Variants in EPRS1 observed in about 807,000 individuals in gnomAD.
The protein encoded by EPRS1 is glutamyl-prolyl-tRNA synthetase 1.
In EPRS1, 107 loss-of-function variants were observed where a neutral mutation model predicts 188.3. That is an observed-to-expected ratio of 0.57 (90% CI 0.49 to 0.67). The LOEUF (loss-of-function observed/expected upper bound fraction) is 0.67, where lower values mean the gene tolerates loss of function less well. Among genes scored for constraint, EPRS1 ranks in the 30% least tolerant of loss-of-function variants. The pLI is 0.00. For missense variants in EPRS1, 1,577 were observed against 1,802.2 expected, an observed-to-expected ratio of 0.88 and a Z score of 2.26; for synonymous variants, 596 against 593.1, an observed-to-expected ratio of 1.00 and a Z score of -0.07.
chr1:220,038,961 G>A (rs891766023), intron 2 of EPRS1, among the ~76,000 whole-genome samples: 3 of 152,110 alleles, frequency 2.0e-5, no homozygotes, highest in Non-Finnish European at 4.4e-5. Flanking sequence ...TCCACAAGGA[G>A]GGGACTTAAG....
At position 219,980,825 on chromosome 1, in the gene EPRS1, T is replaced by C. The variant is rs1660880694; in HGVS notation, c.3486A>G (p.Leu1162=). 4 of 1,613,064 alleles carry C rather than the reference T, an allele frequency of 2.5e-6. No individual in the cohort carries two copies. The highest frequency in any genetic ancestry group is 1.7e-5 in the Admixed American group (1 of 59,908). The change falls in exon 25 of 32, where the codon CTA becomes CTG. Residue 1162 remains leucine (L), a synonymous_variant. Coordinates refer to ENST00000366923, the MANE Select transcript of EPRS1 (RefSeq NM_004446.3). ...RWEFKHPQPF[L]RTREFLWQEG... ...CCTGCCAAAGAAATTCACGAGTACGTAGGAAAGGCTGAGGATGCTTGAATT... is the reference window on the plus strand; with the variant it reads ...CCTGCCAAAGAAATTCACGAGTACGCAGGAAAGGCTGAGGATGCTTGAATT...
chr1:220,009,442 C>A (rs1318268951), intron 13 of EPRS1, among the ~76,000 whole-genome samples: 1 of 152,136 alleles, frequency 6.6e-6, no homozygotes, highest in African/African-American at 2.4e-5. Context: ...TAAAACAACT[C>A]TTTTACCAGC....
chr1:220,032,897 TAC>T (rs1001951491), intron 4 of EPRS1, among the ~76,000 whole-genome samples: 3 of 152,248 alleles, frequency 2.0e-5, no homozygotes, highest in African/African-American at 7.2e-5. Context: ...TATGTATATA[TAC>T]ACACACATAT....
intron 19 of EPRS1, among the ~76,000 whole-genome samples, chr1:219,987,765 A>C (rs879581153): frequency 6.6e-6 from 1 of 152,232 alleles, no homozygotes; most frequent in Non-Finnish European, 1.5e-5. Context: ...ACTGGAAAAC[A>C]GCACAGTCTA....
chr1:220,025,040 C>T, intron 7 of EPRS1, 92 bp downstream of exon 7: 3 of 1,301,590 alleles, frequency 2.3e-6, no homozygotes, highest in Non-Finnish European at 3.3e-6. Flanking sequence ...GCTATGAGAA[C>T]AAAATTTATT....
intron 9 of EPRS1, among the ~76,000 whole-genome samples, chr1:220,020,533 G>A (rs1408279490): frequency 2.0e-5 from 3 of 151,836 alleles, no homozygotes; most frequent in African/African-American, 7.2e-5. Flanking sequence ...ATAGTAGGAA[G>A]CAATAAATAA....
At chr1:219,975,087 T>A (rs1660749903) in intron 28 of EPRS1, among the ~76,000 whole-genome samples, 2 of 152,136 alleles carry the variant, frequency 1.3e-5, no homozygotes, top group South Asian at 4.1e-4. Flanking sequence ...TACTTCTGAT[T>A]AAAGAAAACT....
chr1:219,979,505 G>A lies in EPRS1; in HGVS notation c.3822C>T (p.Gly1274=), dbSNP rs1303206928. Residue 1274 remains glycine, a synonymous_variant, in exon 27 of 32, where the codon GGC becomes GGT. Transcript: ENST00000366923. ...TAACACCAATAGTTCGAGTTGTCAG[G>A]CCCCAGGAGTTTTGATAGGCAAATT... The part of the protein sequence containing the change: ...EKQFAYQNSW[G]LTTRTIGVMT... The A allele has an allele frequency of 6.2e-7, 1 of 1,613,756 alleles. No individual in the cohort carries two copies. The highest frequency in any genetic ancestry group is 2.2e-5 in the East Asian group (1 of 44,866).
At position 219,987,018 on chromosome 1, in the gene EPRS1, A is replaced by T. The variant is rs2647435; in HGVS notation, c.3038+124T>A. ...AAATCAATAAATGCTATCTGCTGAC[A>T]TTGTAGCTTTAGCGTTCTCTAACTT... On this transcript the variant is annotated intron_variant, in intron 20 of 31. Coordinates refer to ENST00000366923, the MANE Select transcript of EPRS1 (RefSeq NM_004446.3). 5 of 995,356 alleles carry T rather than the reference A, an allele frequency of 5.0e-6. No homozygotes were observed. The African/African-American group carries it at 6.5e-5, about 13-fold the overall frequency. 61.7% of individuals were successfully genotyped at this position (995,356 alleles called of 1,614,324 possible).
intron 14 of EPRS1, among the ~76,000 whole-genome samples, chr1:220,006,783 G>A (rs1251494144): frequency 1.3e-5 from 2 of 152,162 alleles, no homozygotes; most frequent in East Asian, 3.8e-4. Flanking sequence ...ATTCCTAAGT[G>A]TAGCACACTA....
At chr1:220,018,411 A>T in intron 12 of EPRS1, 38 bp downstream of exon 12, 2 of 1,477,790 alleles carry the variant, frequency 1.4e-6, no homozygotes, top group Non-Finnish European at 1.9e-6. Context: ...TTTGGGACTT[A>T]AGCATGAGAA....
intron 28 of EPRS1, among the ~76,000 whole-genome samples, chr1:219,973,883 T>C (rs528463675): frequency 2.6e-5 from 4 of 152,262 alleles, no homozygotes; most frequent in African/African-American, 9.6e-5. Context: ...AAAGCACAGA[T>C]TTTGGGGTCC....
intron 1 of EPRS1, among the ~76,000 whole-genome samples, 186 bp downstream of exon 1, chr1:220,046,157 G>A (rs890227481): frequency 2.0e-5 from 3 of 152,156 alleles, no homozygotes; most frequent in Non-Finnish European, 4.4e-5. Flanking sequence ...AGGAGCAGAT[G>A]CACCTGCCGG....
intron 20 of EPRS1, among the ~76,000 whole-genome samples, chr1:219,985,256 A>G (rs1660985342): frequency 6.6e-6 from 1 of 152,130 alleles, no homozygotes; most frequent in Non-Finnish European, 1.5e-5. Flanking sequence ...AAAAAGAAGA[A>G]TCTTATGCCA....
At chr1:219,999,906 G>A (rs1661312165) in intron 17 of EPRS1, among the ~76,000 whole-genome samples, 1 of 152,124 alleles carries the variant, frequency 6.6e-6, no homozygotes, top group African/African-American at 2.4e-5. Flanking sequence ...AAGCCAGGAG[G>A]TGGAGGTTAC....
chr1:219,984,755 T>G (rs879750050), intron 20 of EPRS1, among the ~76,000 whole-genome samples: 2 of 151,162 alleles, frequency 1.3e-5, no homozygotes, highest in Non-Finnish European at 1.5e-5. Context: ...AAAAAAACAG[T>G]AGAAATGCTG....
At chr1:220,037,270 C>T (rs753556784) in intron 2 of EPRS1, among the ~76,000 whole-genome samples, 3 of 151,838 alleles carry the variant, frequency 2.0e-5, no homozygotes, top group Non-Finnish European at 2.9e-5. Flanking sequence ...TTTGGGAGGC[C>T]GAGGTGGGCG....
chr1:219,976,900 A>G (rs1299943903), intron 28 of EPRS1, among the ~76,000 whole-genome samples: 1 of 152,132 alleles, frequency 6.6e-6, no homozygotes, highest in Non-Finnish European at 1.5e-5. Context: ...GAATTATCTT[A>G]CTCTTTCCAC....
intron 13 of EPRS1, 121 bp downstream of exon 13, chr1:220,010,825 A>G: frequency 1.7e-6 from 1 of 601,490 alleles, no homozygotes; most frequent in Non-Finnish European, 2.9e-6. Flanking sequence ...AAAAAAAAAA[A>G]GAAAGAAAGA....
Sources: gnomAD v4.1 joint callset for allele counts (sites outside exome capture counted in the v4.1 genomes callset) on GRCh38, gnomAD v4.1.1 for gene constraint, MANE v1.5 for transcripts, NCBI Gene and HGNC (gene_info 2026-07-23, HGNC 2026-07-21) for gene names.